VOPP1: variants seen among roughly 807,000 people sequenced by gnomAD.
VOPP1 encodes WW domain binding protein VOPP1.
VOPP1 carries 8 observed loss-of-function variants against 23.5 expected under a neutral mutation model. The ratio of observed to expected loss-of-function variants is 0.34; its 90% confidence interval spans 0.20 to 0.61. VOPP1 has a LOEUF of 0.61. Ranked by LOEUF, VOPP1 falls within the 20% of genes least tolerant of loss-of-function variation. The pLI, the probability that VOPP1 is intolerant of heterozygous loss-of-function variation, is 0.78. For synonymous variants in VOPP1, 83 were observed against 97.3 expected, an observed-to-expected ratio of 0.85 and a Z score of 0.86; for missense variants, 174 against 238.1, an observed-to-expected ratio of 0.73 and a Z score of 1.77.
downstream of VOPP1, among the ~76,000 whole-genome samples, chr7:55,469,135 A>G (rs571359255): frequency 2.6e-5 from 4 of 152,180 alleles, no homozygotes; most frequent in Non-Finnish European, 4.4e-5. Flanking sequence ...CAAAATGCCT[A>G]GAAGTGGTCA....
At chr7:55,447,180 T>C (rs1791121723) in intron 4 of VOPP1, among the ~76,000 whole-genome samples, 1 of 152,178 alleles carries the variant, frequency 6.6e-6, no homozygotes, top group Admixed American at 6.5e-5. Flanking sequence ...AGGTGGCTTT[T>C]CCAGGTACTA....
At position 55,472,061 on chromosome 7, in the gene VOPP1, A is replaced by G. The variant is rs1417851930; in HGVS notation, c.*794T>C. On this transcript the variant is annotated 3_prime_UTR_variant, in exon 5 of 5. Coordinates refer to ENST00000285279, the MANE Select transcript of VOPP1 (RefSeq NM_030796.5). ...ACGCTCTACATGCACTTCCATAAAC[A>G]CACCAAAAAAATGGGTAACAGTCCT... The G allele has an allele frequency of 6.6e-6, 1 of 152,176 alleles. No individual in the cohort carries two copies. The highest frequency in any genetic ancestry group is 1.5e-5 in the Non-Finnish European group (1 of 68,056). 9.4% of individuals were successfully genotyped at this position (152,176 alleles called of 1,614,324 possible). A position where few individuals can be genotyped will look rare whatever the true frequency, so the allele number is the denominator to read the frequency against.
At chr7:55,453,466 A>G (rs1397722562) in intron 4 of VOPP1, among the ~76,000 whole-genome samples, 1 of 152,178 alleles carries the variant, frequency 6.6e-6, no homozygotes, top group Non-Finnish European at 1.5e-5. Flanking sequence ...TTTCACTTGA[A>G]CACTTATAGG....
intron 2 of VOPP1, among the ~76,000 whole-genome samples, chr7:55,506,811 G>T (rs1794759515): frequency 6.6e-6 from 1 of 151,644 alleles, no homozygotes; most frequent in Non-Finnish European, 1.5e-5. Context: ...GCTAATTTTT[G>T]TATTTTTAGT....
intron 4 of VOPP1, among the ~76,000 whole-genome samples, chr7:55,480,081 C>T (rs911538372): frequency 2.6e-5 from 4 of 152,104 alleles, no homozygotes; most frequent in Admixed American, 6.5e-5. Flanking sequence ...AAATATGATT[C>T]GATATAATTT....
chr7:55,486,518 G>A (rs1479445305), intron 4 of VOPP1, among the ~76,000 whole-genome samples: 1 of 152,176 alleles, frequency 6.6e-6, no homozygotes, highest in Non-Finnish European at 1.5e-5. Context: ...CAGAATGTCA[G>A]ATGCACAGAG....
intron 4 of VOPP1, among the ~76,000 whole-genome samples, chr7:55,482,347 ATTTTT>A (rs11292753): frequency 2.3e-5 from 3 of 127,798 alleles, no homozygotes; most frequent in Admixed American, 7.9e-5. Context: ...GAAGGGAGGT[ATTTTT>A]TTTTTTTTTT....
intron 1 of VOPP1, among the ~76,000 whole-genome samples, chr7:55,565,565 C>T (rs1798137396): frequency 6.6e-6 from 1 of 152,126 alleles, no homozygotes; most frequent in Non-Finnish European, 1.5e-5. Context: ...TGTTGATAGG[C>T]TTAAGTAGAT....
At chr7:55,473,368 T>G (rs962466851) in intron 4 of VOPP1, among the ~76,000 whole-genome samples, 3 of 152,212 alleles carry the variant, frequency 2.0e-5, no homozygotes, top group African/African-American at 7.2e-5. Context: ...CCACCCAGGC[T>G]TCGCGACTCA....
intron 4 of VOPP1, among the ~76,000 whole-genome samples, chr7:55,440,598 C>CGG (rs1355637706): frequency 9.2e-5 from 14 of 152,238 alleles, no homozygotes; most frequent in Non-Finnish European, 5.9e-5. Context: ...TTGGTCAACA[C>CGG]TTGCTTCCTC....
At chr7:55,439,342 G>A (rs952361981) in intron 4 of VOPP1, among the ~76,000 whole-genome samples, 1 of 152,032 alleles carries the variant, frequency 6.6e-6, no homozygotes, top group African/African-American at 2.4e-5. Flanking sequence ...GGCTTCTGAC[G>A]CATGAGACAA....
Position 55,572,178 on chromosome 7 carries a change from C to T in VOPP1, c.54+93G>A, listed in dbSNP as rs1798387706. 10 of 1,080,436 alleles carry T rather than the reference C, an allele frequency of 9.3e-6. No individual in the cohort carries two copies. In the East Asian group the frequency reaches 3.2e-4, roughly 35 times the overall value. 66.9% of individuals were successfully genotyped at this position (1,080,436 alleles called of 1,614,324 possible). Reference sequence around the variant, plus strand: ...TCGCTCCACCGTCTGCGCTCCCAGGCAAGGTCCTCTGGGGCGCCTCGGAAC... The same window carrying T: ...TCGCTCCACCGTCTGCGCTCCCAGGTAAGGTCCTCTGGGGCGCCTCGGAAC... On this transcript the variant is annotated intron_variant, in intron 1 of 4. Transcript: ENST00000285279.
chr7:55,540,181 C>T (rs373453351), intron 1 of VOPP1, among the ~76,000 whole-genome samples: 2 of 151,898 alleles, frequency 1.3e-5, no homozygotes, highest in African/African-American at 2.4e-5. Context: ...GGGTGGATCA[C>T]GAGGTCAAGA....
At chr7:55,526,063 C>T (rs1796174920) in intron 1 of VOPP1, among the ~76,000 whole-genome samples, 1 of 152,186 alleles carries the variant, frequency 6.6e-6, no homozygotes, top group Admixed American at 6.5e-5. Context: ...GCATGAGCAC[C>T]TGTGGGATAT....
At chr7:55,551,296 C>T (rs1269486374) in intron 1 of VOPP1, among the ~76,000 whole-genome samples, 2 of 152,216 alleles carry the variant, frequency 1.3e-5, no homozygotes, top group Non-Finnish European at 2.9e-5. Flanking sequence ...TGGAAGTTTT[C>T]ACTGACATCA....
At chr7:55,474,523 C>T (rs1792088415) in intron 4 of VOPP1, among the ~76,000 whole-genome samples, 1 of 152,160 alleles carries the variant, frequency 6.6e-6, no homozygotes. Flanking sequence ...GAGCGCACAG[C>T]GTGGGAGACA....
At chr7:55,537,171 C>G (rs888879000) in intron 1 of VOPP1, among the ~76,000 whole-genome samples, 4 of 152,188 alleles carry the variant, frequency 2.6e-5, no homozygotes, top group African/African-American at 7.2e-5. Context: ...TCCGTCCCGG[C>G]AGCACTGACC....
chr7:55,456,142 T>C (rs1469758748), intron 4 of VOPP1, among the ~76,000 whole-genome samples: 20 of 152,042 alleles, frequency 1.3e-4, no homozygotes, highest in Non-Finnish European at 2.1e-4. Flanking sequence ...GGGCAAAGGA[T>C]ATGAACAGAC....
rs375762218 is a variant in VOPP1, at chr7:55,460,390, A to G, written n.418-24216T>C. On this transcript the variant is annotated intron_variant and non_coding_transcript_variant, in intron 4 of 4. Transcript: ENST00000462326. ...GTAAATGTTAAGTCAAATTTGATCT[A>G]AAGTCCAGCTTATTTATTTTCTGTT... is the stretch of plus-strand genomic sequence containing the variant. Among the ~76,000 whole-genome samples the G allele has an allele frequency of 1.8e-3, 279 of 152,348 alleles. 3 individuals carry two copies. Among genetic ancestry groups the G allele is most frequent in the East Asian group, 0.011 (59 of 5,194 alleles).
Sources: gnomAD v4.1 joint callset for allele counts (sites outside exome capture counted in the v4.1 genomes callset) on GRCh38, gnomAD v4.1.1 for gene constraint, MANE v1.5 for transcripts, NCBI Gene and HGNC (gene_info 2026-07-23, HGNC 2026-07-21) for gene names.